CRACR2A: variants seen among roughly 807,000 people sequenced by gnomAD.
CRACR2A encodes calcium release activated channel regulator 2A.
In CRACR2A, 79 loss-of-function variants were observed where a neutral mutation model predicts 90.5. The ratio of observed to expected loss-of-function variants is 0.87; its 90% CI spans 0.73 to 1.05. The LOEUF is 1.05. CRACR2A is among the 50% of genes least tolerant of loss of function. The pLI is 0.00. For missense variants in CRACR2A, 823 were observed against 897.2 expected (o/e 0.92, Z 1.06); for synonymous variants, 338 against 356.7 (o/e 0.95, Z 0.59).
In CRACR2A at chr12:3,648,570, C is replaced by T. The variant is rs201378260; in HGVS notation, c.1090G>A (p.Gly364Arg). Reference sequence around the variant, plus strand: ...AGGAAATCCAGCTGCTTGAGGAGCCCGGCCTTCTCACGCTGTAGACTCTCC... The same window carrying T: ...AGGAAATCCAGCTGCTTGAGGAGCCTGGCCTTCTCACGCTGTAGACTCTCC... ...VTESLQREKA[G>R]LLKQLDFLRE... The change falls in exon 11 of 20, where the codon GGG (glycine) becomes AGG (arginine). Residue 364 changes from glycine to arginine, a missense_variant. Transcript: ENST00000440314. 6.9e-5 allele frequency: 111 copies of T among 1,614,030 alleles called. No homozygotes were observed. The Admixed American group carries it at 9.5e-4, about 14-fold the overall frequency.
At chr12:3,710,142 C>T (rs1030475502) in intron 3 of CRACR2A, among the ~76,000 whole-genome samples, 9 of 152,172 alleles carry the variant, frequency 5.9e-5, no homozygotes, top group Non-Finnish European at 1.2e-4. Context: ...ACACACAGGA[C>T]CACTACTACT....
At position 3,656,318 on chromosome 12, in the gene CRACR2A, TG is replaced by T. The variant is rs772304915; in HGVS notation, c.850del (p.Gln284ArgfsTer25). 6.2e-7 allele frequency: 1 copy of T among 1,614,158 alleles called. No homozygotes were observed. The highest frequency in any genetic ancestry group is 1.7e-5 in the Admixed American group (1 of 60,032). ...CCATGGATGGCAACATACCCTTTTC[TG>T]CTTCTGGGTGAGCTGCTCCAGCTCC... ...EQELEQLTQK[Q>X]KRLEGQCTAL... is the part of the protein sequence containing the mutation. On this transcript the variant is annotated frameshift_variant, in exon 9 of 20. Transcript: ENST00000440314. LOFTEE classifies it high-confidence loss of function.
chr12:3,682,383 C>G (rs1945472191), intron 4 of CRACR2A, among the ~76,000 whole-genome samples: 1 of 152,202 alleles, frequency 6.6e-6, no homozygotes, highest in Non-Finnish European at 1.5e-5. Flanking sequence ...TAGTTCACAG[C>G]TCACCTTAGG....
intron 3 of CRACR2A, among the ~76,000 whole-genome samples, chr12:3,705,355 T>A (rs1199961024): frequency 6.6e-6 from 1 of 152,198 alleles, no homozygotes; most frequent in Non-Finnish European, 1.5e-5. Context: ...ACTGCTACAA[T>A]CAGAAAGTTC....
At chr12:3,648,479 G>A in intron 11 of CRACR2A, 63 bp downstream of exon 11, 2 of 1,613,026 alleles carry the variant, frequency 1.2e-6, no homozygotes, top group Non-Finnish European at 8.5e-7. Context: ...CCCTCAGACT[G>A]GTCCTTCCGA....
intron 7 of CRACR2A, among the ~76,000 whole-genome samples, chr12:3,660,866 ACACACACACACACACACACAC>A (rs1205989563): frequency 1.4e-5 from 2 of 146,618 alleles, no homozygotes; most frequent in Admixed American, 1.4e-4. Context: ...ACACACACAC[ACACACACACACACACACACAC>A]AATTTTGGCC....
intron 4 of CRACR2A, among the ~76,000 whole-genome samples, chr12:3,690,648 G>T (rs1945635801): frequency 6.6e-6 from 1 of 152,152 alleles, no homozygotes; most frequent in African/African-American, 2.4e-5. Flanking sequence ...GTTTGGGGGT[G>T]GAGAGTTCTG....
rs1222092195 is a variant in CRACR2A at position 3,680,357 on chromosome 12, C to T, written c.229-8G>A. On this transcript the variant is annotated splice_polypyrimidine_tract_variant and splice_region_variant and intron_variant, in intron 4 of 19. Transcript: ENST00000440314. ...TAGCTCCTTATGCAGCCTCTGAAAA[C>T]AACCCAGAGTGTACTGGTTAACACT... 2 of 1,611,874 alleles carry T rather than the reference C, an allele frequency of 1.2e-6. No individual in the cohort carries two copies. Among genetic ancestry groups the T allele is most frequent in the Admixed American group, 1.7e-5 (1 of 59,796 alleles).
chr12:3,633,625 G>T lies in CRACR2A; in HGVS notation c.1714C>A (p.Pro572Thr), dbSNP rs1178951567. Residue 572 changes from proline (P) to threonine (T), a missense_variant, in exon 15 of 20, where the codon CCA becomes ACA. Coordinates refer to ENST00000440314, the MANE Select transcript of CRACR2A (RefSeq NM_001144958.2). The surrounding 1 kb of genome is among the most constrained non-coding windows in gnomAD (Gnocchi z 4.5). ...LRRFCEDRFS[P>T]GMAATVGIDY... ...TCACCCACAGTGGCCGCCATGCCTGGGGAGAACCGGTCCTCACAGAATCTC... is the reference window on the plus strand; with the variant it reads ...TCACCCACAGTGGCCGCCATGCCTGTGGAGAACCGGTCCTCACAGAATCTC... 8 of 1,551,600 alleles carry T rather than the reference G, an allele frequency of 5.2e-6. No individual in the cohort carries two copies. The highest frequency in any genetic ancestry group is 3.3e-4 in the Middle Eastern group (2 of 6,014).
chr12:3,633,493 A>G lies in CRACR2A; in HGVS notation c.1735+111T>C. On this transcript the variant is annotated intron_variant, in intron 15 of 19. Coordinates refer to ENST00000440314, the MANE Select transcript of CRACR2A (RefSeq NM_001144958.2). The surrounding 1 kb of genome is among the most constrained non-coding windows in gnomAD (Gnocchi z 4.5). Reference sequence around the variant, plus strand: ...CAGACACCAGTATCCCTACTGGCCAATCCCCATGGCCCTTCCCATGGGCTT... The same window carrying G: ...CAGACACCAGTATCCCTACTGGCCAGTCCCCATGGCCCTTCCCATGGGCTT... 1 of 1,429,732 alleles carries G rather than the reference A, an allele frequency of 7.0e-7. No individual in the cohort carries two copies. Among genetic ancestry groups the G allele is most frequent in the Non-Finnish European group, 9.5e-7 (1 of 1,055,840 alleles). The allele number at this position is 1,429,732 out of a possible 1,614,324, so 88.6% of individuals were successfully genotyped here.
At chr12:3,684,514 T>C (rs896923371) in intron 4 of CRACR2A, among the ~76,000 whole-genome samples, 14 of 152,204 alleles carry the variant, frequency 9.2e-5, no homozygotes, top group Admixed American at 3.9e-4. Flanking sequence ...AGCCTTTGCC[T>C]GCTAAACGCC....
At chr12:3,674,480 G>T (rs536585783) in intron 6 of CRACR2A, among the ~76,000 whole-genome samples, 1 of 152,284 alleles carries the variant, frequency 6.6e-6, no homozygotes, top group Non-Finnish European at 1.5e-5. Flanking sequence ...AAAATCTGTG[G>T]CCAATGATCA....
At chr12:3,729,358 GTAATGACAGACT>G (rs1225069725) in intron 2 of CRACR2A, 2 of 152,154 alleles carry the variant, frequency 1.3e-5, no homozygotes, top group Non-Finnish European at 2.9e-5. Context: ...CACAGCATCA[GTAATGACAGACT>G]TAGAAGGTGA....
chr12:3,684,762 G>A (rs889418844), intron 4 of CRACR2A, among the ~76,000 whole-genome samples: 3 of 152,218 alleles, frequency 2.0e-5, no homozygotes, highest in Non-Finnish European at 4.4e-5. Context: ...TAATTGTCCT[G>A]TTGACACTGT....
intron 14 of CRACR2A, among the ~76,000 whole-genome samples, chr12:3,635,597 C>T (rs914103258): frequency 3.3e-5 from 5 of 152,146 alleles, no homozygotes; most frequent in African/African-American, 7.2e-5. Context: ...GCCTTGAACT[C>T]CTGGGCTCAG....
At chr12:3,648,391 A>C (rs1197049747) in intron 11 of CRACR2A, 151 bp downstream of exon 11, 38 of 1,544,988 alleles carry the variant, frequency 2.5e-5, no homozygotes, top group Non-Finnish European at 3.1e-5. Flanking sequence ...TTGGTGGTCC[A>C]AACACTGCAC....
At chr12:3,628,434 T>A (rs905129086) in intron 15 of CRACR2A, among the ~76,000 whole-genome samples, 1 of 151,740 alleles carries the variant, frequency 6.6e-6, no homozygotes, top group Non-Finnish European at 1.5e-5. Flanking sequence ...AGAGAAAAAA[T>A]CACAGGCAAC....
Position 3,692,823 on chromosome 12 carries a change from G to A in CRACR2A, c.228+3949C>T, listed in dbSNP as rs145385425. 2.9e-3 allele frequency among the ~76,000 whole-genome samples: 444 copies of A among 152,276 alleles called. 4 individuals are homozygous for A. Among genetic ancestry groups the A allele is most frequent in the South Asian group, 0.017 (81 of 4,826 alleles). On this transcript the variant is annotated intron_variant, in intron 4 of 19. Coordinates refer to ENST00000440314, the MANE Select transcript of CRACR2A (RefSeq NM_001144958.2). Reference sequence around the variant, plus strand: ...GTTGTGCTGGTGGTGGTGGTAGCATGGGGGTGAGGCACTGGCTAGTGCAAG... The same window carrying A: ...GTTGTGCTGGTGGTGGTGGTAGCATAGGGGTGAGGCACTGGCTAGTGCAAG...
chr12:3,664,930 C>G (rs1305807499), intron 7 of CRACR2A, among the ~76,000 whole-genome samples: 4 of 152,218 alleles, frequency 2.6e-5, no homozygotes, highest in African/African-American at 9.6e-5. Flanking sequence ...TCACTTGAGC[C>G]CAGAAGGCGG....
Sources: gnomAD v4.1 joint callset for allele counts (sites outside exome capture counted in the v4.1 genomes callset) on GRCh38, gnomAD v4.1.1 for gene constraint, Gnocchi (gnomAD v3.1) non-coding constraint, MANE v1.5 for transcripts, NCBI Gene and HGNC (gene_info 2026-07-23, HGNC 2026-07-21) for gene names.